The following CDH13 variants were observed in gnomAD, a reference collection of about 807,000 sequenced individuals.
CDH13 encodes the protein cadherin-13.
CDH13 carries 24 observed loss-of-function variants against 63.8 expected under a neutral mutation model. The observed-to-expected ratio is 0.38, with a 90% confidence interval of 0.27 to 0.53. The LOEUF is 0.53. CDH13 is among the 20% of genes least tolerant of loss of function. CDH13 has a pLI of 0.85. For missense variants in CDH13, 1,049 were observed against 903.1 expected, an observed-to-expected ratio of 1.16 and a Z score of -2.07; for synonymous variants, 503 against 355.3, an observed-to-expected ratio of 1.42 and a Z score of -4.67.
chr16:83,368,640 C>A (rs956000229), intron 6 of CDH13, among the ~76,000 whole-genome samples: 1 of 151,616 alleles, frequency 6.6e-6, no homozygotes, highest in South Asian at 2.1e-4. Context: ...GTCCACTGTA[C>A]CCAATGTGTA....
intron 11 of CDH13, among the ~76,000 whole-genome samples, chr16:83,774,005 T>C (rs1369843055): frequency 6.6e-6 from 1 of 152,220 alleles, no homozygotes; most frequent in African/African-American, 2.4e-5. Flanking sequence ...TCATTTCTGC[T>C]TCACAAACCT....
At chr16:83,591,145 A>C (rs548338757) in intron 7 of CDH13, among the ~76,000 whole-genome samples, 1 of 151,932 alleles carries the variant, frequency 6.6e-6, no homozygotes, top group Non-Finnish European at 1.5e-5. Context: ...TCCTGACTTC[A>C]TGATCCACCT....
At chr16:82,737,006 C>A (rs2033708560) in intron 1 of CDH13, among the ~76,000 whole-genome samples, 1 of 152,186 alleles carries the variant, frequency 6.6e-6, no homozygotes, top group Non-Finnish European at 1.5e-5. Flanking sequence ...CTTCCCAACA[C>A]CTAAGTGATT....
intron 9 of CDH13, 105 bp downstream of exon 9, chr16:83,671,077 C>G (rs977795838): frequency 4.2e-6 from 4 of 945,958 alleles, no homozygotes; most frequent in Non-Finnish European, 6.3e-6. Flanking sequence ...TAAATTCCCC[C>G]AGTCTCCTCC....
chr16:83,634,613 T>A (rs1911092621), intron 8 of CDH13, among the ~76,000 whole-genome samples: 1 of 151,812 alleles, frequency 6.6e-6, no homozygotes, highest in Non-Finnish European at 1.5e-5. Flanking sequence ...GTTGGCCAGG[T>A]TGGTCTTGAA....
At chr16:83,623,272 T>C (rs1909978421) in intron 8 of CDH13, among the ~76,000 whole-genome samples, 1 of 152,096 alleles carries the variant, frequency 6.6e-6, no homozygotes, top group African/African-American at 2.4e-5. Flanking sequence ...AGCCATGCAT[T>C]TCCCTCGAGT....
At chr16:83,336,768 T>G (rs1336203363) in intron 5 of CDH13, among the ~76,000 whole-genome samples, 1 of 152,228 alleles carries the variant, frequency 6.6e-6, no homozygotes, top group Admixed American at 6.5e-5. Flanking sequence ...GACTCACAAG[T>G]CCATGGACTG....
At chr16:82,716,355 G>C (rs1295039173) in intron 1 of CDH13, among the ~76,000 whole-genome samples, 2 of 152,048 alleles carry the variant, frequency 1.3e-5, no homozygotes, top group African/African-American at 4.8e-5. Flanking sequence ...CAGAGAGAGA[G>C]AGACAAACAT....
chr16:83,346,848 CAG>C (rs2090850602), intron 6 of CDH13, among the ~76,000 whole-genome samples: 1 of 152,098 alleles, frequency 6.6e-6, no homozygotes, highest in Non-Finnish European at 1.5e-5. Flanking sequence ...TCTTAAATCA[CAG>C]AGTTATTCAG....
intron 2 of CDH13, among the ~76,000 whole-genome samples, chr16:83,004,337 C>G (rs1309238995): frequency 2.6e-5 from 4 of 152,306 alleles, no homozygotes; most frequent in Admixed American, 2.6e-4. Context: ...CAGCTCAGAC[C>G]TGGGCATCCA....
chr16:83,320,654 T>A (rs2090202993), intron 5 of CDH13, among the ~76,000 whole-genome samples: 3 of 152,206 alleles, frequency 2.0e-5, no homozygotes, highest in Admixed American at 6.5e-5. Context: ...ATAATTTTGT[T>A]CAGATCATCA....
chr16:82,991,032 G>T (rs534985849), intron 2 of CDH13, among the ~76,000 whole-genome samples: 1 of 152,284 alleles, frequency 6.6e-6, no homozygotes, highest in African/African-American at 2.4e-5. Flanking sequence ...CAGAGATAGG[G>T]CATGAGGAAG....
intron 2 of CDH13, among the ~76,000 whole-genome samples, chr16:82,977,590 T>C (rs987619374): frequency 2.0e-5 from 3 of 152,306 alleles, no homozygotes; most frequent in African/African-American, 7.2e-5. Flanking sequence ...ACCATGATTG[T>C]AAATTTCCTG....
At chr16:83,707,836 CAAAAAAAAAAAAA>C (rs61067563) in intron 10 of CDH13, among the ~76,000 whole-genome samples, 2 of 78,902 alleles carry the variant, frequency 2.5e-5, no homozygotes, top group Admixed American at 3.3e-4. Context: ...ACCCTAAAGG[CAAAAAAAAAAAAA>C]AAAAAAAAAG....
chr16:82,865,402 A>C (rs1227766052), intron 2 of CDH13, among the ~76,000 whole-genome samples: 1 of 152,206 alleles, frequency 6.6e-6, no homozygotes. Context: ...GTTTCCATTA[A>C]GCCTCTGAAA....
rs12103152 is a variant in CDH13 at position 82,919,989 on chromosome 16, G to A, written c.157+61516G>A. ...TTTGTTTGATAGAAAGAGTAATATC[G>A]AGATCAAAATGTGTGTGGGTGGGGT... On this transcript the variant is annotated intron_variant, in intron 2 of 13. Transcript: ENST00000567109. Among the ~76,000 whole-genome samples the A allele has an allele frequency of 6.0e-3, 909 of 152,300 alleles. 6 individuals are homozygous for A. Among genetic ancestry groups the A allele is most frequent in the African/African-American group, 0.021 (867 of 41,576 alleles).
At chr16:83,694,590 C>T (rs1341655576) in intron 10 of CDH13, among the ~76,000 whole-genome samples, 2 of 152,216 alleles carry the variant, frequency 1.3e-5, no homozygotes, top group African/African-American at 2.4e-5. Flanking sequence ...GAGAGGTAAA[C>T]ATTTGCATAT....
intron 4 of CDH13, among the ~76,000 whole-genome samples, chr16:83,189,325 C>T (rs112190369): frequency 6.6e-6 from 1 of 152,306 alleles, no homozygotes; most frequent in Non-Finnish European, 1.5e-5. Context: ...CCCCCAGTCT[C>T]CCTGGGACTT....
intron 7 of CDH13, among the ~76,000 whole-genome samples, chr16:83,532,606 T>A (rs2075104759): frequency 6.6e-6 from 1 of 152,220 alleles, no homozygotes; most frequent in East Asian, 1.9e-4. Context: ...TGGCTGCTTG[T>A]CTCCTCAAGT....
Sources: gnomAD v4.1 joint callset for allele counts (sites outside exome capture counted in the v4.1 genomes callset) on GRCh38, gnomAD v4.1.1 for gene constraint, MANE v1.5 for transcripts, NCBI Gene and HGNC (gene_info 2026-07-23, HGNC 2026-07-21) for gene names.